Variants in GALNT13 observed in about 807,000 individuals in gnomAD.
The protein encoded by GALNT13 is polypeptide N-acetylgalactosaminyltransferase 13, also known as UDP-GalNAc:polypeptide N-acetylgalactosaminyltransferase 13.
In GALNT13, 28 loss-of-function variants were observed where a neutral mutation model predicts 64.2. The observed-to-expected ratio is 0.44, with a 90% CI of 0.32 to 0.60. The LOEUF (loss-of-function observed/expected upper bound fraction) is 0.60, where lower values mean the gene tolerates loss of function less well. Ranked by LOEUF, GALNT13 falls within the 20% of genes least tolerant of loss-of-function variation. The probability of loss-of-function intolerance (pLI) is 0.05; values close to 1 mark genes in which losing one functional copy is unlikely to be tolerated. For synonymous variants in GALNT13, 214 were observed against 224.6 expected, an observed-to-expected ratio of 0.95 and a Z score of 0.42; for missense variants, 577 against 669.8, an observed-to-expected ratio of 0.86 and a Z score of 1.53.
chr2:153,187,717 G>GA, the GALNT13 span: 1 of 152,088 alleles, frequency 6.6e-6, no homozygotes, highest in Non-Finnish European at 1.5e-5. Flanking sequence ...ATCACTAACT[G>GA]AAAAAATCTA....
intron 6 of GALNT13, among the ~76,000 whole-genome samples, chr2:154,243,275 A>T (rs1216595069): frequency 6.6e-6 from 1 of 152,200 alleles, no homozygotes; most frequent in Non-Finnish European, 1.5e-5. Flanking sequence ...TCTATAACTT[A>T]TAATGAGGAG....
At chr2:153,869,998 A>G (rs1685821939), upstream of GALNT13, among the ~76,000 whole-genome samples, 2 of 152,002 alleles carry the variant, frequency 1.3e-5, no homozygotes, top group South Asian at 4.1e-4. Context: ...AAAAGACAAA[A>G]CATTGCAGCT....
chr2:153,139,257 A>T, the GALNT13 span, among the ~76,000 whole-genome samples: 8 of 152,158 alleles, frequency 5.3e-5, no homozygotes, highest in East Asian at 1.6e-3. Context: ...CTTGCCTCTC[A>T]CAGACATGCT....
At chr2:153,105,487 A>C in the GALNT13 span, among the ~76,000 whole-genome samples, 4 of 151,880 alleles carry the variant, frequency 2.6e-5, no homozygotes, top group Admixed American at 6.6e-5. Flanking sequence ...CTCTCTCACC[A>C]CTCCTATTCA....
intron 8 of GALNT13, among the ~76,000 whole-genome samples, chr2:154,300,117 T>TTTTA (rs368999161): frequency 3.4e-5 from 5 of 148,204 alleles, no homozygotes; most frequent in African/African-American, 1.3e-4. Context: ...TTTTTTTTTT[T>TTTTA]GAGATAGAGT....
At chr2:153,652,861 G>T in the GALNT13 span, among the ~76,000 whole-genome samples, 1 of 151,994 alleles carries the variant, frequency 6.6e-6, no homozygotes, top group Non-Finnish European at 1.5e-5. Flanking sequence ...ATTTATAGGT[G>T]AATCAGTAAA....
the GALNT13 span, among the ~76,000 whole-genome samples, chr2:153,216,031 T>G: frequency 0.011 from 1,737 of 152,074 alleles, 36 homozygotes; most frequent in African/African-American, 0.038. Flanking sequence ...TCTGTTTCTA[T>G]CCATCTAGTT....
At chr2:153,367,721 C>T in the GALNT13 span, among the ~76,000 whole-genome samples, 1,261 of 152,006 alleles carry the variant, frequency 8.3e-3, 17 homozygotes, top group African/African-American at 0.027. Flanking sequence ...TTGTTCTAAG[C>T]TATTAAGTTT....
the GALNT13 span, among the ~76,000 whole-genome samples, chr2:153,634,631 A>C: frequency 6.9e-6 from 1 of 145,008 alleles, no homozygotes; most frequent in Non-Finnish European, 1.5e-5. Context: ...GCTCATTGCA[A>C]CCTCCATCTC....
intron 3 of GALNT13, among the ~76,000 whole-genome samples, chr2:153,949,482 G>T (rs1692010753): frequency 6.6e-6 from 1 of 150,534 alleles, no homozygotes; most frequent in Admixed American, 6.6e-5. Flanking sequence ...TTGAGTCCAG[G>T]CTGGGCAATA....
chr2:153,193,216 T>C, the GALNT13 span, among the ~76,000 whole-genome samples: 1 of 151,624 alleles, frequency 6.6e-6, no homozygotes, highest in Admixed American at 6.6e-5. Flanking sequence ...CCAACAATGA[T>C]AGACTGGATT....
the GALNT13 span, among the ~76,000 whole-genome samples, chr2:153,728,549 T>A: frequency 3.3e-5 from 5 of 152,020 alleles, no homozygotes; most frequent in Non-Finnish European, 7.4e-5. Context: ...GCTAGAAAGA[T>A]CACAAATCGA....
At chr2:153,115,364 T>G in the GALNT13 span, among the ~76,000 whole-genome samples, 1 of 152,164 alleles carries the variant, frequency 6.6e-6, no homozygotes, top group Non-Finnish European at 1.5e-5. Flanking sequence ...AATAAAACAA[T>G]GCCATTCAGA....
At chr2:153,543,147 A>G in the GALNT13 span, among the ~76,000 whole-genome samples, 1 of 152,182 alleles carries the variant, frequency 6.6e-6, no homozygotes, top group African/African-American at 2.4e-5. Flanking sequence ...TGTTGAGTGG[A>G]AATACTATAA....
At chr2:153,355,890 C>A in the GALNT13 span, among the ~76,000 whole-genome samples, 3 of 152,104 alleles carry the variant, frequency 2.0e-5, no homozygotes, top group Non-Finnish European at 4.4e-5. Context: ...AGTCAATTAT[C>A]ACACTTCTTA....
rs1321108861 is a variant in GALNT13, at chr2:154,242,853, G to A, written c.634G>A (p.Glu212Lys). The change falls in exon 6 of 13, where the codon GAA (glutamate) becomes AAA (lysine). Residue 212 changes from glutamate to lysine, a missense_variant. Physicochemically the swap from Glu to Lys is moderately conservative, Grantham distance 56. Around this residue, in one of 3 missense-constraint regions of GALNT13, gnomAD observed 341 missense variants for 379.3 expected, o/e 0.90. Transcript: ENST00000392825. Reference sequence around the variant, plus strand: ...CATAACTTTTCTTGATGCACACTGTGAATGCACGTTAGGATGGCTGGAGCC... The same window carrying A: ...CATAACTTTTCTTGATGCACACTGTAAATGCACGTTAGGATGGCTGGAGCC... ...QVITFLDAHCECTLGWLEPLL... is the reference protein window; with the variant it reads ...QVITFLDAHCKCTLGWLEPLL... The A allele has an allele frequency of 6.2e-7, 1 of 1,614,164 alleles. No individual in the cohort carries two copies. The highest frequency in any genetic ancestry group is 8.5e-7 in the Non-Finnish European group (1 of 1,180,018).
chr2:153,608,017 C>T, the GALNT13 span, among the ~76,000 whole-genome samples: 1 of 152,082 alleles, frequency 6.6e-6, no homozygotes, highest in African/African-American at 2.4e-5. Context: ...AACTTTCTCT[C>T]TGTTTTTCAA....
the GALNT13 span, among the ~76,000 whole-genome samples, chr2:153,479,192 C>A: frequency 6.6e-6 from 1 of 152,270 alleles, no homozygotes; most frequent in South Asian, 2.1e-4. Context: ...GGCGATGAAT[C>A]GCAGGTGCCA....
chr2:153,366,238 TG>T, the GALNT13 span, among the ~76,000 whole-genome samples: 4 of 151,848 alleles, frequency 2.6e-5, no homozygotes, highest in African/African-American at 9.7e-5. Context: ...TGAGGCCTGT[TG>T]TAAGATGGAG....
Sources: gnomAD v4.1 joint callset for allele counts (sites outside exome capture counted in the v4.1 genomes callset) on GRCh38, gnomAD v4.1.1 for gene constraint, gnomAD v4.1.1 regional missense constraint, MANE v1.5 for transcripts, NCBI Gene and HGNC (gene_info 2026-07-23, HGNC 2026-07-21) for gene names.